The following LAMA5 variants were observed in gnomAD, a reference collection of about 807,000 sequenced individuals.
LAMA5 encodes the protein laminin subunit alpha 5.
In LAMA5, 260 loss-of-function variants were observed where a neutral mutation model predicts 433.4. That is an observed-to-expected ratio of 0.60 (90% CI 0.54 to 0.66). The LOEUF (loss-of-function observed/expected upper bound fraction) is 0.66, where lower values mean the gene tolerates loss of function less well. Ranked by LOEUF, LAMA5 falls within the 30% of genes least tolerant of loss-of-function variation. The probability of loss-of-function intolerance (pLI) is 0.00; values close to 1 mark genes in which losing one functional copy is unlikely to be tolerated. For synonymous variants in LAMA5, 2,620 were observed against 2,226.6 expected, an observed-to-expected ratio of 1.18 and a Z score of -4.97; for missense variants, 5,378 against 5,258.5, an observed-to-expected ratio of 1.02 and a Z score of -0.70.
intron 34 of LAMA5, 109 bp from the exon 35 acceptor site, chr20:62,328,554 C>A: frequency 8.4e-7 from 1 of 1,184,852 alleles, no homozygotes; most frequent in Non-Finnish European, 1.1e-6. Context: ...GCGGGGGAGA[C>A]AAGAACAGGG....
rs368757053 is a variant in LAMA5 at position 62,322,132 on chromosome 20, G to A, written c.6383C>T (p.Thr2128Met). The A allele has an allele frequency of 3.2e-5, 52 of 1,602,366 alleles. No homozygotes were observed. The highest frequency in any genetic ancestry group is 2.7e-4 in the East Asian group (12 of 44,744). ...QCPGGRCDPH[T>M]GRCNCPPGLS... Reference sequence around the variant, plus strand: ...CCCCGGGGGGCAGTTGCAGCGGCCCGTGTGAGGGTCACAGCGGCCCCCAGG... The same window carrying A: ...CCCCGGGGGGCAGTTGCAGCGGCCCATGTGAGGGTCACAGCGGCCCCCAGG... Residue 2128 changes from threonine to methionine, a missense_variant, in exon 48 of 80, where the codon ACG becomes ATG. Physicochemically the swap from Thr to Met is moderately conservative, Grantham distance 81. Transcript: ENST00000252999.
rs1411332532 is a variant in LAMA5 at position 62,312,228 on chromosome 20, C to G, written c.9449G>C (p.Gly3150Ala). 2 of 1,610,508 alleles carry G rather than the reference C, an allele frequency of 1.2e-6. No individual in the cohort carries two copies. The highest frequency in any genetic ancestry group is 1.7e-6 in the Non-Finnish European group (2 of 1,179,276). Residue 3150 changes from glycine (G) to alanine (A), a missense_variant, in exon 69 of 80, where the codon GGC becomes GCC. By Grantham distance (60) the Gly-to-Ala change is moderately conservative (BLOSUM62 0). Transcript: ENST00000252999. ...VAPLTGNVYS[G>A]FGFHSAQDSA... The stretch of plus-strand genomic sequence containing the variant: ...GTCCTGGGCGCTGTGGAAGCCGAAG[C>G]CGGAGTAGACGTTGCCAGTGAGCGG...
chr20:62,333,743 C>T (rs757364235), intron 23 of LAMA5, 37 bp from the exon 24 acceptor site: 1 of 1,533,754 alleles, frequency 6.5e-7, no homozygotes, highest in Non-Finnish European at 8.8e-7. Context: ...TGAGCCCAGC[C>T]CTTGGGGCCA....
intron 54 of LAMA5, 24 bp from the exon 55 acceptor site, chr20:62,317,523 C>T (rs1987084720): frequency 2.0e-6 from 3 of 1,533,636 alleles, no homozygotes; most frequent in Admixed American, 2.0e-5. Flanking sequence ...GGACTTAGCC[C>T]CTCATCCTGC....
In LAMA5 at chr20:62,324,816, G is replaced by C; in HGVS notation, c.5530-262C>G. The C allele has an allele frequency of 2.0e-6, 1 of 508,180 alleles. No individual in the cohort carries two copies. The highest frequency in any genetic ancestry group is 3.6e-6 in the Non-Finnish European group (1 of 278,750). The allele number at this position is 508,180 out of a possible 1,614,324, so 31.5% of individuals were successfully genotyped here. The stretch of plus-strand genomic sequence containing the variant: ...GTCTCGGGAATGACCAGGCCTTGGG[G>C]CTGGTGACCACCCACTCCATGTGGA... On this transcript the variant is annotated intron_variant, in intron 41 of 79. Coordinates refer to ENST00000252999, the MANE Select transcript of LAMA5 (RefSeq NM_005560.6). This position sits in a 1 kb window ranked among gnomAD's most constrained non-coding sequence, Gnocchi z 4.4.
intron 18 of LAMA5, 45 bp downstream of exon 18, chr20:62,336,295 T>C: frequency 2.2e-6 from 3 of 1,371,864 alleles, no homozygotes; most frequent in Non-Finnish European, 3.0e-6. Flanking sequence ...GTGGGCACAG[T>C]TCCCCAAGGA....
rs559121925 is a variant in LAMA5, at chr20:62,333,251, G to A, written c.3129-8C>T. 4.1e-5 allele frequency: 64 copies of A among 1,552,602 alleles called. No homozygotes were observed. The highest frequency in any genetic ancestry group is 4.8e-5 in the Non-Finnish European group (55 of 1,146,616). ...TGTGTGTAGAGGAGGCAGCTGGGGG[G>A]ACACAGGCCGTGGTCAGCCCCAGGT... On this transcript the variant is annotated splice_region_variant and splice_polypyrimidine_tract_variant and intron_variant, in intron 25 of 79. Transcript: ENST00000252999.
At chr20:62,325,809 T>C (rs1167754155) in intron 40 of LAMA5, among the ~76,000 whole-genome samples, 2 of 152,178 alleles carry the variant, frequency 1.3e-5, no homozygotes, top group East Asian at 1.9e-4. Flanking sequence ...GAAGAAAACA[T>C]AGGCAGGTCC....
rs1253236070 is a variant in LAMA5 at position 62,347,033 on chromosome 20, G to A, written c.957-5C>T. 1.9e-6 allele frequency: 3 copies of A among 1,608,172 alleles called. No homozygotes were observed. The highest frequency in any genetic ancestry group is 2.2e-5 in the East Asian group (1 of 44,864). ...TGCTGGCAGGTGCACTGCAGCCTGT[G>A]GGGTACACAGGAGGGGGGATCAGGC... is the stretch of plus-strand genomic sequence containing the variant. On this transcript the variant is annotated splice_polypyrimidine_tract_variant and splice_region_variant and intron_variant, in intron 6 of 79. Coordinates refer to ENST00000252999, the MANE Select transcript of LAMA5 (RefSeq NM_005560.6).
chr20:62,348,575 C>T (rs1460525022), intron 6 of LAMA5, among the ~76,000 whole-genome samples: 1 of 151,844 alleles, frequency 6.6e-6, no homozygotes, highest in Non-Finnish European at 1.5e-5. Flanking sequence ...CCACTGCACT[C>T]CAGCCTGGGC....
At chr20:62,336,525 A>AAGGGGTGGTG (rs1024716417) in intron 17 of LAMA5, 80 bp from the exon 18 acceptor site, 25 of 1,334,064 alleles carry the variant, frequency 1.9e-5, no homozygotes, top group South Asian at 1.0e-4. Context: ...GAGCCCTGAC[A>AAGGGGTGGTG]AGGGGTGGTG....
chr20:62,319,804 G>A lies in LAMA5; in HGVS notation c.6760-9C>T, dbSNP rs930487528. 5 of 1,541,228 alleles carry A rather than the reference G, an allele frequency of 3.2e-6. No homozygotes were observed. In the Admixed American group the frequency reaches 7.9e-5, roughly 24 times the overall value. On this transcript the variant is annotated splice_polypyrimidine_tract_variant and intron_variant, in intron 50 of 79. Coordinates refer to ENST00000252999, the MANE Select transcript of LAMA5 (RefSeq NM_005560.6). ...TCTCGGGTCCCCACGGCCTGTGGAG[G>A]AAGAGCCCACTAGCCCACGCTGCTG...
rs34940052 is a variant in LAMA5, at chr20:62,344,144, C to CA, written c.1477+1673dup. ...GGGTAAAAAGAGCGAAACTCCATCTCAAAAAAAAAAAAAAAAAAAGACGTC... is the reference window on the plus strand; with the variant it reads ...GGGTAAAAAGAGCGAAACTCCATCTCAAAAAAAAAAAAAAAAAAAAGACGTC... On this transcript the variant is annotated intron_variant, in intron 11 of 79. Coordinates refer to ENST00000252999, the MANE Select transcript of LAMA5 (RefSeq NM_005560.6). Among the ~76,000 whole-genome samples, 482 of 82,614 alleles carry CA rather than the reference C, an allele frequency of 5.8e-3. 4 individuals carry two copies. The highest frequency in any genetic ancestry group is 0.022 in the Middle Eastern group (3 of 136). The allele number at this position is 82,614 out of a possible 152,430, so 54.2% of individuals were successfully genotyped here.
rs199787835 is a variant in LAMA5 at position 62,312,309 on chromosome 20, C to T, written c.9368G>A (p.Arg3123His). The change falls in exon 69 of 80, where the codon CGC becomes CAC. Residue 3123 changes from arginine to histidine, a missense_variant. Physicochemically the swap from Arg to His is conservative, Grantham distance 29. Coordinates refer to ENST00000252999, the MANE Select transcript of LAMA5 (RefSeq NM_005560.6). ...AGCTADLLVG[R>H]AMTFHGHGFL... The stretch of plus-strand genomic sequence containing the variant: ...GCCGTGGCCATGGAAAGTCATGGCG[C>T]GCCCCACCTGCGGGGAGGCCATCCC... The T allele has an allele frequency of 2.7e-5, 43 of 1,609,576 alleles. No homozygotes were observed. The East Asian group carries it at 3.8e-4, about 14-fold the overall frequency.
At chr20:62,318,768 C>T in intron 52 of LAMA5, 75 bp downstream of exon 52, 1 of 1,578,342 alleles carries the variant, frequency 6.3e-7, no homozygotes, top group South Asian at 1.1e-5. Context: ...GATGCCACTC[C>T]ATGCTGACCT....
chr20:62,351,583 A>T, intron 6 of LAMA5, 121 bp downstream of exon 6: 1 of 861,098 alleles, frequency 1.2e-6, no homozygotes, highest in Non-Finnish European at 1.9e-6. Context: ...CACAGACAGC[A>T]GGGTTGTGGT....
Position 62,334,330 on chromosome 20 carries a change from G to C in LAMA5, c.2595C>G (p.Asp865Glu). ...QGPTCSEPARDHYLPDLHHLR... is the reference protein window; with the variant it reads ...QGPTCSEPAREHYLPDLHHLR... ...GGTGGTGCAGGTCCGGGAGGTAGTG[G>C]TCCCTCGCAGGCCTGGCCACAGCAG... The change falls in exon 22 of 80, where the codon GAC becomes GAG. Residue 865 changes from aspartate to glutamate, a missense_variant. By Grantham distance (45) the Asp-to-Glu change is conservative. Coordinates refer to ENST00000252999, the MANE Select transcript of LAMA5 (RefSeq NM_005560.6). The C allele has an allele frequency of 6.2e-7, 1 of 1,603,652 alleles. No homozygotes were observed.
At chr20:62,315,883 C>T in intron 58 of LAMA5, 65 bp downstream of exon 58, 1 of 1,242,120 alleles carries the variant, frequency 8.1e-7, no homozygotes, top group Admixed American at 2.0e-5. Flanking sequence ...CACATGTGGC[C>T]AGCGCCACTG....
intron 53 of LAMA5, 137 bp downstream of exon 53, chr20:62,318,317 A>G (rs1277207720): frequency 1.9e-4 from 60 of 308,082 alleles, no homozygotes; most frequent in Non-Finnish European, 2.8e-4. Flanking sequence ...GAAGAGGAGG[A>G]GGGGGGGAGG....
Sources: allele counts gnomAD v4.1 joint callset (sites outside exome capture counted in the v4.1 genomes callset), GRCh38; gene constraint gnomAD v4.1.1; non-coding constraint Gnocchi (gnomAD v3.1); transcripts MANE v1.5; gene names NCBI Gene and HGNC (gene_info 2026-07-23, HGNC 2026-07-21).